INPP5D: variants seen among roughly 807,000 people sequenced by gnomAD.
The protein encoded by INPP5D is inositol polyphosphate-5-phosphatase D.
In INPP5D, 33 loss-of-function variants were observed where a neutral mutation model predicts 122.9. The ratio of observed to expected loss-of-function variants is 0.27; its 90% CI spans 0.20 to 0.36. The LOEUF (loss-of-function observed/expected upper bound fraction) is 0.36. INPP5D is among the 10% of genes least tolerant of loss of function. The pLI is 1.00. For synonymous variants in INPP5D, 584 were observed against 576.2 expected (o/e 1.01, Z -0.19); for missense variants, 1,053 against 1,412.7 (o/e 0.75, Z 4.08).
At chr2:233,114,326 C>G (rs2106246916) in intron 2 of INPP5D, among the ~76,000 whole-genome samples, 1 of 152,310 alleles carries the variant, frequency 6.6e-6, no homozygotes, top group South Asian at 2.1e-4. Context: ...CCCTATGATT[C>G]TTAAATTTGG....
intron 2 of INPP5D, among the ~76,000 whole-genome samples, chr2:233,092,397 C>T (rs995882884): frequency 1.9e-4 from 29 of 151,820 alleles, no homozygotes; most frequent in African/African-American, 6.1e-4. Context: ...AAATATCCCT[C>T]ATAGGCTCTG....
At chr2:233,168,286 C>G (rs1352768567) in intron 13 of INPP5D, among the ~76,000 whole-genome samples, 2 of 152,232 alleles carry the variant, frequency 1.3e-5, no homozygotes, top group African/African-American at 2.4e-5. Context: ...ACCAAGGCCA[C>G]AATTCCAATG....
chr2:233,141,548 CAG>C (rs1167945916), intron 6 of INPP5D: 5 of 150,476 alleles, frequency 3.3e-5, no homozygotes, highest in African/African-American at 1.2e-4. Flanking sequence ...GCCTGGGTGA[CAG>C]AGTGAGACTC....
chr2:233,077,681 A>C (rs924030319), intron 1 of INPP5D, among the ~76,000 whole-genome samples: 1 of 150,604 alleles, frequency 6.6e-6, no homozygotes, highest in African/African-American at 2.4e-5. Flanking sequence ...AAAAAAAAAA[A>C]AAAAACTCTC....
At chr2:233,187,922 C>A (rs555279153) in intron 21 of INPP5D, among the ~76,000 whole-genome samples, 27 of 152,214 alleles carry the variant, frequency 1.8e-4, no homozygotes, top group African/African-American at 6.3e-4. Context: ...AACATGTTCA[C>A]CCCCTGGTCC....
At chr2:233,158,840 G>A (rs892072675) in intron 10 of INPP5D, among the ~76,000 whole-genome samples, 5 of 152,130 alleles carry the variant, frequency 3.3e-5, no homozygotes, top group Non-Finnish European at 7.3e-5. Context: ...GTGCAGTGGC[G>A]TGATCACAGC....
At chr2:233,065,107 C>G (rs886711245) in intron 1 of INPP5D, among the ~76,000 whole-genome samples, 2 of 152,134 alleles carry the variant, frequency 1.3e-5, no homozygotes, top group Admixed American at 1.3e-4. Context: ...ATGTATTTCA[C>G]TCACTAACTG....
At chr2:233,154,539 G>GA (rs751254713) in intron 9 of INPP5D, among the ~76,000 whole-genome samples, 45 of 152,186 alleles carry the variant, frequency 3.0e-4, no homozygotes, top group Non-Finnish European at 6.0e-4. Flanking sequence ...AGAAGGCCTG[G>GA]AAATTATCAC....
At chr2:233,086,584 C>T (rs1691857201) in intron 2 of INPP5D, among the ~76,000 whole-genome samples, 1 of 152,098 alleles carries the variant, frequency 6.6e-6, no homozygotes, top group African/African-American at 2.4e-5. Flanking sequence ...GTGAGGCCAA[C>T]ACACGGAAAG....
chr2:233,147,941 C>A (rs1693812020), intron 9 of INPP5D, among the ~76,000 whole-genome samples: 1 of 152,220 alleles, frequency 6.6e-6, no homozygotes, highest in African/African-American at 2.4e-5. Context: ...AGCTGTGTGA[C>A]CTGGGACATG....
At chr2:233,077,200 A>G (rs541549261) in intron 1 of INPP5D, among the ~76,000 whole-genome samples, 28 of 152,254 alleles carry the variant, frequency 1.8e-4, no homozygotes, top group Non-Finnish European at 3.8e-4. Context: ...AAAGATATGC[A>G]TATATAATCT....
chr2:233,149,460 A>G (rs1300744771), intron 9 of INPP5D, among the ~76,000 whole-genome samples: 1 of 152,112 alleles, frequency 6.6e-6, no homozygotes, highest in East Asian at 1.9e-4. Flanking sequence ...GGACCTTGGC[A>G]GGGCCTGTGC....
chr2:233,187,757 G>A (rs1176123881), intron 21 of INPP5D, among the ~76,000 whole-genome samples: 1 of 152,164 alleles, frequency 6.6e-6, no homozygotes, highest in Non-Finnish European at 1.5e-5. Flanking sequence ...TCAGGCCCCT[G>A]AGTCGTGGGG....
chr2:233,111,722 GC>G (rs1345642867), intron 2 of INPP5D, among the ~76,000 whole-genome samples: 1 of 152,176 alleles, frequency 6.6e-6, no homozygotes, highest in Non-Finnish European at 1.5e-5. Context: ...GCTGGTGGCT[GC>G]CAGGTTACAA....
rs1694905548 is a variant in INPP5D, at chr2:233,186,056, G to A, written c.2358+131G>A. The A allele has an allele frequency of 3.1e-6, 4 of 1,283,752 alleles. No individual in the cohort carries two copies. In the African/African-American group the frequency reaches 4.6e-5, roughly 15 times the overall value. The allele number at this position is 1,283,752 out of a possible 1,614,324, so 79.5% of individuals were successfully genotyped here. On this transcript the variant is annotated intron_variant, in intron 21 of 26. Transcript: ENST00000445964. ...ATCTCATAGACCAAATGCAGAAAGA[G>A]ACCCACTCTAGGAGCAAGCTCTCGC...
rs1199540579 is a variant in INPP5D, at chr2:233,177,467, G to C, written c.2071+121G>C. 4 of 1,532,936 alleles carry C rather than the reference G, an allele frequency of 2.6e-6. No homozygotes were observed. Among genetic ancestry groups the C allele is most frequent in the Non-Finnish European group, 3.6e-6 (4 of 1,123,710 alleles). The allele number at this position is 1,532,936 out of a possible 1,614,324, so 95.0% of individuals were successfully genotyped here. A position where few individuals can be genotyped will look rare whatever the true frequency, so the allele number is the denominator to read the frequency against. ...GATGTGTCAAAGGGAGGAATTCACT[G>C]TAACCCTAATCAGGCGACCTGGAAA... is the stretch of plus-strand genomic sequence containing the variant. On this transcript the variant is annotated intron_variant, in intron 18 of 26. Transcript: ENST00000445964. The surrounding 1 kb of genome is among the most constrained non-coding windows in gnomAD (Gnocchi z 4.2).
At chr2:233,121,891 C>T (rs1026029740) in intron 2 of INPP5D, among the ~76,000 whole-genome samples, 11 of 152,102 alleles carry the variant, frequency 7.2e-5, no homozygotes, top group Admixed American at 2.0e-4. Context: ...AGGAACGATC[C>T]TCTGTGTGCC....
chr2:233,139,112 G>A (rs1246177551), intron 5 of INPP5D, among the ~76,000 whole-genome samples: 1 of 151,948 alleles, frequency 6.6e-6, no homozygotes, highest in Non-Finnish European at 1.5e-5. Context: ...TCTAGCAATC[G>A]ATTTCAGCAC....
At chr2:233,162,084 T>C (rs894912526) in intron 11 of INPP5D, among the ~76,000 whole-genome samples, 1 of 152,190 alleles carries the variant, frequency 6.6e-6, no homozygotes, top group Non-Finnish European at 1.5e-5. Flanking sequence ...TCTGTATGTC[T>C]AAATTGGAAA....
Sources: allele counts gnomAD v4.1 joint callset (sites outside exome capture counted in the v4.1 genomes callset), GRCh38; gene constraint gnomAD v4.1.1; non-coding constraint Gnocchi (gnomAD v3.1); transcripts MANE v1.5; gene names NCBI Gene and HGNC (gene_info 2026-07-23, HGNC 2026-07-21).